Variants in OR4M1 observed in about 807,000 individuals in gnomAD.
OR4M1 encodes olfactory receptor family 4 subfamily M member 1.
Under a neutral mutation model 9.8 loss-of-function variants are expected in OR4M1, and 7 were observed. The observed-to-expected ratio is 0.71, with a 90% CI of 0.41 to 1.34. The LOEUF (loss-of-function observed/expected upper bound fraction) is 1.34, where lower values mean the gene tolerates loss of function less well. OR4M1 is among the 40% of genes most tolerant of loss of function. OR4M1 has a pLI of 0.01. For synonymous variants in OR4M1, 121 were observed against 139.8 expected (o/e 0.87, Z 0.95); for missense variants, 331 against 380.4 (o/e 0.87, Z 1.08).
chr14:19,777,007 C>CATATATATATATAT (rs71431978), intron 1 of OR4M1, among the ~76,000 whole-genome samples: 88 of 45,864 alleles, frequency 1.9e-3, no homozygotes, highest in East Asian at 2.3e-3. Flanking sequence ...TTGTTTAAGC[C>CATATATATATATAT]ATATATATAT....
intron 1 of OR4M1, among the ~76,000 whole-genome samples, chr14:19,775,676 G>T (rs1039469835): frequency 4.2e-5 from 6 of 142,268 alleles, no homozygotes; most frequent in Non-Finnish European, 7.7e-5. Flanking sequence ...TAAATTAAAA[G>T]AATATATTAA....
chr14:19,782,362 ATTT>A lies in OR4M1; in HGVS notation c.*1099_*1101del. ...TTTATAGGTTATGTTTTTTACTTAA[ATTT>A]ATTAGTTTTTCATTTCAAAACTAGG... is the stretch of plus-strand genomic sequence containing the variant. On this transcript the variant is annotated 3_prime_UTR_variant, in exon 2 of 2. Transcript: ENST00000641200. The A allele has an allele frequency of 6.6e-6, 1 of 152,366 alleles. No homozygotes were observed. The highest frequency in any genetic ancestry group is 3.4e-3 in the Middle Eastern group (1 of 294). 9.4% of individuals were successfully genotyped at this position (152,366 alleles called of 1,614,324 possible).
At chr14:19,779,081 A>C (rs114994056) in intron 1 of OR4M1, among the ~76,000 whole-genome samples, 1,594 of 152,162 alleles carry the variant, frequency 0.01, 18 homozygotes, top group African/African-American at 0.037. Context: ...TGCTTCTATA[A>C]GATACTGAAA....
intron 1 of OR4M1, among the ~76,000 whole-genome samples, chr14:19,778,473 A>C (rs1486228500): frequency 3.9e-5 from 6 of 152,236 alleles, no homozygotes; most frequent in Non-Finnish European, 7.4e-5. Context: ...TAAAGGGACA[A>C]TTATTTACTT....
At chr14:19,774,696 G>T (rs1383674850) in intron 1 of OR4M1, among the ~76,000 whole-genome samples, 1 of 152,202 alleles carries the variant, frequency 6.6e-6, no homozygotes, top group African/African-American at 2.4e-5. Flanking sequence ...TAAAAATAGG[G>T]ATACATCAAC....
Position 19,780,517 on chromosome 14 carries a change from T to C in OR4M1, c.195T>C (p.Asn65=), listed in dbSNP as rs371914194. Residue 65 remains asparagine (N), a synonymous_variant, in exon 2 of 2, where the codon AAT becomes AAC. Coordinates refer to ENST00000641200, the MANE Select transcript of OR4M1 (RefSeq NM_001005500.2). ...CTCCTATGTATTTCCTGTTGGCTAATCTGGCCCTCCTTGATATTTGGTACT... is the reference window on the plus strand; with the variant it reads ...CTCCTATGTATTTCCTGTTGGCTAACCTGGCCCTCCTTGATATTTGGTACT... ...LTSPMYFLLA[N]LALLDIWYSS... is the part of the protein sequence containing the mutation. The C allele has an allele frequency of 3.3e-4, 530 of 1,614,174 alleles. 6 individuals are homozygous for C. In the South Asian group the frequency reaches 5.5e-3, roughly 17 times the overall value.
intron 1 of OR4M1, among the ~76,000 whole-genome samples, chr14:19,774,830 GGTAT>G (rs1357160224): frequency 2.0e-5 from 3 of 152,234 alleles, no homozygotes; most frequent in African/African-American, 7.2e-5. Context: ...TTGAGGCAGA[GGTAT>G]GTGAGTTGCC....
chr14:19,777,970 A>G (rs2635534), intron 1 of OR4M1, among the ~76,000 whole-genome samples: 39,647 of 147,934 alleles, frequency 0.27, 3,714 homozygotes, highest in Non-Finnish European at 0.33. Context: ...CTATTGGATT[A>G]AGATGCTCCA....
chr14:19,782,860 T>C lies in OR4M1; in HGVS notation c.*1596T>C, dbSNP rs1340894142. The stretch of plus-strand genomic sequence containing the variant: ...GAAAAAATATAAAGTACAAAAGATA[T>C]ATATATATAATATGATAAAATGATG... On this transcript the variant is annotated 3_prime_UTR_variant, in exon 2 of 2. Coordinates refer to ENST00000641200, the MANE Select transcript of OR4M1 (RefSeq NM_001005500.2). 1.3e-5 allele frequency: 2 copies of C among 152,014 alleles called. No homozygotes were observed. Among genetic ancestry groups the C allele is most frequent in the Non-Finnish European group, 2.9e-5 (2 of 68,008 alleles). The allele number at this position is 152,014 out of a possible 1,614,324, so 9.4% of individuals were successfully genotyped here.
rs1468110962 is a variant in OR4M1, at chr14:19,781,888, A to G, written c.*624A>G. 1 of 152,702 alleles carries G rather than the reference A, an allele frequency of 6.5e-6. No homozygotes were observed. 9.5% of individuals were successfully genotyped at this position (152,702 alleles called of 1,614,324 possible). A position where few individuals can be genotyped will look rare whatever the true frequency, so the allele number is the denominator to read the frequency against. ...GAACTCAAAATTTTATCACATTATG[A>G]AAACAAATTTTATGAATTCAAAGCA... On this transcript the variant is annotated 3_prime_UTR_variant, in exon 2 of 2. Transcript: ENST00000641200.
In OR4M1 at chr14:19,780,472, G is replaced by T. The variant is rs750413154; in HGVS notation, c.150G>T (p.Arg50Ser). The change falls in exon 2 of 2, where the codon AGG becomes AGT. Residue 50 changes from arginine to serine, a missense_variant. Transcript: ENST00000641200. ...ATATCCTTATCATTTGCACCATCAG[G>T]CTAGACCCTCATCTGACTTCTCCTA... ...PGNILIICTI[R>S]LDPHLTSPMY... 5.6e-6 allele frequency: 9 copies of T among 1,614,144 alleles called. No homozygotes were observed. Among genetic ancestry groups the T allele is most frequent in the East Asian group, 2.2e-5 (1 of 44,888 alleles).
At chr14:19,779,942 C>A (rs1178122798) in intron 1 of OR4M1, among the ~76,000 whole-genome samples, 3 of 152,232 alleles carry the variant, frequency 2.0e-5, no homozygotes, top group Non-Finnish European at 4.4e-5. Context: ...CTCTGATTGC[C>A]AGTCTAAAAT....
Position 19,781,073 on chromosome 14 carries a change from C to G in OR4M1, c.751C>G (p.Leu251Val), listed in dbSNP as rs376272787. 3.7e-6 allele frequency: 6 copies of G among 1,614,096 alleles called. No homozygotes were observed. In the African/African-American group the frequency reaches 8.0e-5, roughly 22 times the overall value. ...CTATTCCCACATTACCATTGTGGTG[C>G]TAATGTTTGGGCCATCCATCTACAT... is the stretch of plus-strand genomic sequence containing the variant. Reference protein sequence around the residue: ...TCYSHITIVVLMFGPSIYIYA... With the variant: ...TCYSHITIVVVMFGPSIYIYA... Residue 251 changes from leucine (L) to valine (V), a missense_variant, in exon 2 of 2, where the codon CTA becomes GTA. Around this residue, in one of 2 missense-constraint regions of OR4M1, gnomAD observed 122 missense variants for 180.5 expected, o/e 0.68. Transcript: ENST00000641200.
intron 1 of OR4M1, among the ~76,000 whole-genome samples, chr14:19,774,921 T>C (rs1594375345): frequency 1.3e-5 from 2 of 152,026 alleles, no homozygotes; most frequent in Admixed American, 1.3e-4. Context: ...ATGAAACCCT[T>C]AGCTCCCCAA....
chr14:19,779,933 T>C (rs1334371856), intron 1 of OR4M1, among the ~76,000 whole-genome samples: 17 of 152,244 alleles, frequency 1.1e-4, no homozygotes, highest in African/African-American at 4.1e-4. Flanking sequence ...AGGCCACATC[T>C]CTGATTGCCA....
chr14:19,782,625 A>G lies in OR4M1; in HGVS notation c.*1361A>G, dbSNP rs556258186. The G allele has an allele frequency of 3.9e-5, 6 of 152,228 alleles. No individual in the cohort carries two copies. 9.4% of individuals were successfully genotyped at this position (152,228 alleles called of 1,614,324 possible). On this transcript the variant is annotated 3_prime_UTR_variant, in exon 2 of 2. Coordinates refer to ENST00000641200, the MANE Select transcript of OR4M1 (RefSeq NM_001005500.2). ...GCCAGACCCAGTGTACCTCGGATGC[A>G]CAGGATGGAATGGTGGTACACAAAG... is the stretch of plus-strand genomic sequence containing the variant.
intron 1 of OR4M1, among the ~76,000 whole-genome samples, chr14:19,774,420 T>C (rs1365868533): frequency 2.6e-5 from 4 of 152,334 alleles, no homozygotes; most frequent in South Asian, 2.1e-4. Flanking sequence ...TTGAAGACCA[T>C]AGTATGCTAG....
At position 19,780,606 on chromosome 14, in the gene OR4M1, G is replaced by C; in HGVS notation, c.284G>C (p.Gly95Ala). 6.2e-7 allele frequency: 1 copy of C among 1,614,190 alleles called. No individual in the cohort carries two copies. The highest frequency in any genetic ancestry group is 1.3e-5 in the African/African-American group (1 of 75,044). Reference sequence around the variant, plus strand: ...GTGGAGAGGAAGATAATTTCCTTTGGTGGATGCATTGCACAGCTCTTCTTC... The same window carrying C: ...GTGGAGAGGAAGATAATTTCCTTTGCTGGATGCATTGCACAGCTCTTCTTC... ...FFVERKIISF[G>A]GCIAQLFFLH... The change falls in exon 2 of 2, where the codon GGT (glycine) becomes GCT (alanine). Residue 95 changes from glycine to alanine, a missense_variant. This residue lies in a region of OR4M1 where 209 missense variants were observed against 200.0 expected (regional missense o/e 1.04). Transcript: ENST00000641200.
intron 1 of OR4M1, among the ~76,000 whole-genome samples, chr14:19,775,038 C>T (rs112324797): frequency 0.042 from 6,355 of 151,528 alleles, 88 homozygotes; most frequent in Non-Finnish European, 0.064. Flanking sequence ...CTTACATCCC[C>T]GCCCTCGCTT....
Sources: gnomAD v4.1 joint callset for allele counts (sites outside exome capture counted in the v4.1 genomes callset) on GRCh38, gnomAD v4.1.1 for gene constraint, gnomAD v4.1.1 regional missense constraint, MANE v1.5 for transcripts, NCBI Gene and HGNC (gene_info 2026-07-23, HGNC 2026-07-21) for gene names.